The following QRFPR variants were observed in gnomAD, a reference collection of about 807,000 sequenced individuals.
QRFPR encodes the protein pyroglutamylated RF-amide peptide receptor.
QRFPR carries 37 observed loss-of-function variants against 31.3 expected under a neutral mutation model. That is an observed-to-expected ratio of 1.18 (90% CI 0.91 to 1.56). The LOEUF (loss-of-function observed/expected upper bound fraction) is 1.56. QRFPR is among the 40% of genes most tolerant of loss of function. The pLI, the probability that QRFPR is intolerant of heterozygous loss-of-function variation, is 0.00. For missense variants in QRFPR, 542 were observed against 532.5 expected (o/e 1.02, Z -0.18); for synonymous variants, 197 against 192.0 (o/e 1.03, Z -0.22).
chr4:121,349,027 G>T (rs56151961), intron 1 of QRFPR, among the ~76,000 whole-genome samples: 2 of 151,826 alleles, frequency 1.3e-5, no homozygotes, highest in Non-Finnish European at 2.9e-5. Context: ...AACCCGGGAG[G>T]CAGAGGTTGC....
At chr4:121,356,757 A>T (rs1005307973) in intron 1 of QRFPR, among the ~76,000 whole-genome samples, 10 of 152,098 alleles carry the variant, frequency 6.6e-5, no homozygotes, top group Admixed American at 1.3e-4. Context: ...CCCTAATCAG[A>T]AGGATATTCT....
intron 1 of QRFPR, among the ~76,000 whole-genome samples, chr4:121,361,570 A>G (rs74822219): frequency 1.3e-5 from 2 of 150,274 alleles, no homozygotes; most frequent in East Asian, 4.0e-4. Flanking sequence ...TATTGAACAT[A>G]TGGACCACTT....
chr4:121,365,500 A>ATAATT (rs1553947855), intron 1 of QRFPR, among the ~76,000 whole-genome samples: 1 of 3,130 alleles, frequency 3.2e-4, no homozygotes, highest in African/African-American at 2.0e-3. Context: ...TTATATATAT[A>ATAATT]ATATATATAA....
At chr4:121,331,481 G>A (rs1418438169) in intron 4 of QRFPR, among the ~76,000 whole-genome samples, 1 of 151,352 alleles carries the variant, frequency 6.6e-6, no homozygotes, top group African/African-American at 2.4e-5. Flanking sequence ...ACCACACCCG[G>A]CCTGATATAT....
At chr4:121,360,888 T>C (rs1725976230) in intron 1 of QRFPR, among the ~76,000 whole-genome samples, 2 of 152,170 alleles carry the variant, frequency 1.3e-5, no homozygotes, top group Admixed American at 1.3e-4. Context: ...TCCAAAAAGC[T>C]TGTTGTCTCT....
At chr4:121,330,860 G>A (rs898127930) in intron 4 of QRFPR, among the ~76,000 whole-genome samples, 1 of 152,136 alleles carries the variant, frequency 6.6e-6, no homozygotes, top group African/African-American at 2.4e-5. Flanking sequence ...GCTAGTAAAG[G>A]CTGTATCTTG....
chr4:121,359,402 C>T (rs891666579), intron 1 of QRFPR, among the ~76,000 whole-genome samples: 6 of 152,072 alleles, frequency 3.9e-5, no homozygotes, highest in African/African-American at 1.4e-4. Context: ...ACAATCTAAT[C>T]AGCTGCCAGT....
intron 1 of QRFPR, among the ~76,000 whole-genome samples, chr4:121,375,958 G>C (rs1183430330): frequency 6.6e-6 from 1 of 152,124 alleles, no homozygotes; most frequent in Non-Finnish European, 1.5e-5. Context: ...AGGAGCATTT[G>C]GACATTGTGA....
intron 5 of QRFPR, 89 bp downstream of exon 5, chr4:121,330,337 G>T: frequency 1.1e-6 from 1 of 886,856 alleles, no homozygotes; most frequent in Non-Finnish European, 1.8e-6. Context: ...GATTATCCAA[G>T]TGAACAGCGA....
In QRFPR at chr4:121,380,476, G is replaced by A. The variant is rs1726468783; in HGVS notation, c.172C>T (p.Leu58=). 1 of 1,614,138 alleles carries A rather than the reference G, an allele frequency of 6.2e-7. No individual in the cohort carries two copies. Among genetic ancestry groups the A allele is most frequent in the African/African-American group, 1.3e-5 (1 of 74,958 alleles). Residue 58 remains leucine (L), a synonymous_variant, in exon 1 of 6, where the codon CTG becomes TTG. Coordinates refer to ENST00000394427, the MANE Select transcript of QRFPR (RefSeq NM_198179.3). The part of the protein sequence containing the change: ...LVLTGVLIFA[L]ALFGNALVFY... ...ACCAGAGCATTGCCAAAGAGCGCCAGGGCGAAGATGAGCACGCCGGTGAGC... is the reference window on the plus strand; with the variant it reads ...ACCAGAGCATTGCCAAAGAGCGCCAAGGCGAAGATGAGCACGCCGGTGAGC...
intron 4 of QRFPR, among the ~76,000 whole-genome samples, chr4:121,332,547 A>G (rs1349845744): frequency 6.6e-6 from 1 of 152,212 alleles, no homozygotes; most frequent in Non-Finnish European, 1.5e-5. Flanking sequence ...ACACCAGCCC[A>G]CAGTCTTCCT....
chr4:121,357,679 TG>T (rs1355109466), intron 1 of QRFPR, among the ~76,000 whole-genome samples: 3 of 152,200 alleles, frequency 2.0e-5, no homozygotes, highest in Non-Finnish European at 4.4e-5. Flanking sequence ...AGATCCACTC[TG>T]AAAGATTGTG....
chr4:121,351,186 T>C (rs1725754328), intron 1 of QRFPR, among the ~76,000 whole-genome samples: 1 of 152,212 alleles, frequency 6.6e-6, no homozygotes, highest in Admixed American at 6.5e-5. Flanking sequence ...CACTAGCTGC[T>C]CCGTGTACAG....
chr4:121,338,945 T>C (rs1725486418), intron 2 of QRFPR, among the ~76,000 whole-genome samples: 1 of 152,216 alleles, frequency 6.6e-6, no homozygotes, highest in South Asian at 2.1e-4. Context: ...ACATGCTGTT[T>C]TCAGGAGTTC....
intron 3 of QRFPR, among the ~76,000 whole-genome samples, chr4:121,333,744 A>C (rs1049244187): frequency 6.6e-6 from 1 of 152,234 alleles, no homozygotes; most frequent in South Asian, 2.1e-4. Context: ...AATAATAGAG[A>C]GTGCTTTAAG....
Position 121,371,814 on chromosome 4 carries a change from G to T in QRFPR, c.340+8494C>A, listed in dbSNP as rs10017459. On this transcript the variant is annotated intron_variant, in intron 1 of 5. Coordinates refer to ENST00000394427, the MANE Select transcript of QRFPR (RefSeq NM_198179.3). Reference sequence around the variant, plus strand: ...TTCCAAGGGGCTTAGTGGCTAACAGGGTCCCAAGTGTCACTACTACAGTTG... The same window carrying T: ...TTCCAAGGGGCTTAGTGGCTAACAGTGTCCCAAGTGTCACTACTACAGTTG... 3.7e-3 allele frequency among the ~76,000 whole-genome samples: 566 copies of T among 152,260 alleles called. 3 individuals carry two copies. The highest frequency in any genetic ancestry group is 0.013 in the African/African-American group (532 of 41,530).
intron 1 of QRFPR, among the ~76,000 whole-genome samples, chr4:121,354,626 G>C (rs566336266): frequency 1.5e-3 from 226 of 151,860 alleles, no homozygotes; most frequent in African/African-American, 5.3e-3. Flanking sequence ...TCTTTTTCTT[G>C]TTTCAGATCT....
At chr4:121,345,376 C>T (rs1349110692) in intron 1 of QRFPR, among the ~76,000 whole-genome samples, 1 of 152,250 alleles carries the variant, frequency 6.6e-6, no homozygotes, top group Non-Finnish European at 1.5e-5. Context: ...GAGCCTTCAA[C>T]ATCCTTCCAA....
At chr4:121,336,145 G>A (rs1396239734) in intron 3 of QRFPR, among the ~76,000 whole-genome samples, 1 of 152,164 alleles carries the variant, frequency 6.6e-6, no homozygotes, top group East Asian at 1.9e-4. Context: ...TAGGGGGTAT[G>A]TAAGCAACCC....
Sources: gnomAD v4.1 joint callset for allele counts (sites outside exome capture counted in the v4.1 genomes callset) on GRCh38, gnomAD v4.1.1 for gene constraint, MANE v1.5 for transcripts, NCBI Gene and HGNC (gene_info 2026-07-23, HGNC 2026-07-21) for gene names.